Variants in GEN1 observed in about 807,000 individuals in gnomAD.
The protein encoded by GEN1 is flap endonuclease GEN homolog 1.
In GEN1, 64 loss-of-function variants were observed where a neutral mutation model predicts 67.6. That is an observed-to-expected ratio of 0.95 (90% confidence interval 0.77 to 1.17). GEN1 has a LOEUF of 1.17. Among genes scored for constraint, GEN1 ranks in the 50% most tolerant of loss-of-function variants. The probability of loss-of-function intolerance (pLI) is 0.00; values close to 1 mark genes in which losing one functional copy is unlikely to be tolerated. For missense variants in GEN1, 1,058 were observed against 1,048.3 expected (o/e 1.01, Z -0.13); for synonymous variants, 371 against 359.4 (o/e 1.03, Z -0.37).
chr2:17,757,546 A>C (rs191490725), intron 1 of GEN1, among the ~76,000 whole-genome samples: 7 of 152,200 alleles, frequency 4.6e-5, no homozygotes, highest in Non-Finnish European at 1.0e-4. Flanking sequence ...GAAAGGAATC[A>C]TTAGAAACAG....
rs1417665930 is a variant in GEN1 at position 17,772,688 on chromosome 2, A to T, written c.857A>T (p.Tyr286Phe). ...NGCRLCKSDK[Y>F]CEPHDYEYCC... ...TGCAGATTATGTAAAAGTGATAAAT[A>T]TTGTGAGCCACATGACTATGAATAC... The change falls in exon 8 of 14, where the codon TAT becomes TTT. Residue 286 changes from tyrosine to phenylalanine, a missense_variant. Coordinates refer to ENST00000381254, the MANE Select transcript of GEN1 (RefSeq NM_001130009.3). The T allele has an allele frequency of 5.0e-6, 8 of 1,612,442 alleles. No individual in the cohort carries two copies. In the African/African-American group the frequency reaches 6.7e-5, roughly 13 times the overall value.
Position 17,784,460 on chromosome 2 carries a change from G to A in GEN1, c.*2521G>A, listed in dbSNP as rs566535718. 4 of 152,112 alleles carry A rather than the reference G, an allele frequency of 2.6e-5. No individual in the cohort carries two copies. The highest frequency in any genetic ancestry group is 9.7e-5 in the African/African-American group (4 of 41,428). 9.4% of individuals were successfully genotyped at this position (152,112 alleles called of 1,614,324 possible). ...TATGATCCAGCAATTCCTCTCCCAG[G>A]TATATACCCAAGATAAATGAAAACT... On this transcript the variant is annotated 3_prime_UTR_variant, in exon 14 of 14. Transcript: ENST00000381254.
intron 1 of GEN1, chr2:17,755,240 T>TA (rs1378566196): frequency 6.6e-6 from 1 of 152,240 alleles, no homozygotes; most frequent in African/African-American, 2.4e-5. Context: ...GGTCCCTACT[T>TA]ACATGTCACT....
At chr2:17,772,141 T>C (rs1672218396) in intron 7 of GEN1, among the ~76,000 whole-genome samples, 1 of 152,110 alleles carries the variant, frequency 6.6e-6, no homozygotes, top group South Asian at 2.1e-4. Context: ...CATTTGTTCA[T>C]GTTCCAAGGA....
intron 3 of GEN1, among the ~76,000 whole-genome samples, chr2:17,762,753 T>C (rs193002532): frequency 4.5e-4 from 68 of 152,332 alleles, no homozygotes; most frequent in Admixed American, 2.5e-3. Flanking sequence ...ACATTTTTTG[T>C]GTATATAATG....
upstream of GEN1, among the ~76,000 whole-genome samples, chr2:17,753,439 G>A (rs1212049854): frequency 1.4e-5 from 2 of 141,386 alleles, no homozygotes; most frequent in African/African-American, 5.4e-5. Context: ...CGAAGGTGCC[G>A]CCGGCCGCCC....
At chr2:17,757,659 T>C (rs565042324) in intron 1 of GEN1, among the ~76,000 whole-genome samples, 4 of 152,244 alleles carry the variant, frequency 2.6e-5, no homozygotes, top group South Asian at 4.1e-4. Flanking sequence ...AACCAGAAAA[T>C]GTGAATTTCT....
intron 1 of GEN1, among the ~76,000 whole-genome samples, chr2:17,758,841 G>A (rs538053166): frequency 2.4e-4 from 36 of 149,362 alleles, no homozygotes; most frequent in African/African-American, 8.7e-4. Flanking sequence ...GTGACAGAGC[G>A]AGACCCTGTC....
At chr2:17,761,803 T>A (rs1462907923) in intron 3 of GEN1, among the ~76,000 whole-genome samples, 2 of 152,184 alleles carry the variant, frequency 1.3e-5, no homozygotes, top group African/African-American at 4.8e-5. Flanking sequence ...AACCTATCTC[T>A]ACCTTGTATG....
intron 7 of GEN1, 57 bp from the exon 8 acceptor site, chr2:17,772,577 G>A: frequency 1.3e-6 from 2 of 1,492,180 alleles, no homozygotes; most frequent in Non-Finnish European, 1.8e-6. Context: ...AAGAATGTAT[G>A]TAGAAAGTAA....
chr2:17,781,812 TC>T lies in GEN1; in HGVS notation c.2603del (p.Pro868GlnfsTer8), dbSNP rs1672853719. ...YETAENEESC[F>X]PDSTKSSLSS... Reference sequence around the variant, plus strand: ...ACAGCTGAAAATGAAGAAAGCTGTTTCCCAGATTCAACAAAAAGTTCTCTGA... The same window carrying T: ...ACAGCTGAAAATGAAGAAAGCTGTTTCCAGATTCAACAAAAAGTTCTCTGA... On this transcript the variant is annotated frameshift_variant, in exon 14 of 14. Coordinates refer to ENST00000381254, the MANE Select transcript of GEN1 (RefSeq NM_001130009.3). LOFTEE classifies it low-confidence loss of function (END_TRUNC). The T allele has an allele frequency of 1.2e-6, 2 of 1,612,174 alleles. No homozygotes were observed. The highest frequency in any genetic ancestry group is 3.3e-5 in the Admixed American group (2 of 59,708).
chr2:17,776,115 CAAAAAA>C (rs34705905), intron 11 of GEN1, among the ~76,000 whole-genome samples: 5 of 80,692 alleles, frequency 6.2e-5, no homozygotes, highest in African/African-American at 1.4e-4. Flanking sequence ...GACCCTGTCT[CAAAAAA>C]AAAAAAAAAA....
At chr2:17,774,695 A>G (rs1672346625) in intron 11 of GEN1, among the ~76,000 whole-genome samples, 1 of 152,170 alleles carries the variant, frequency 6.6e-6, no homozygotes, top group African/African-American at 2.4e-5. Context: ...CAAACGTGTT[A>G]AGGGAATGTG....
intron 2 of GEN1, among the ~76,000 whole-genome samples, chr2:17,761,178 C>T (rs1671659730): frequency 1.3e-5 from 2 of 151,848 alleles, no homozygotes; most frequent in South Asian, 2.1e-4. Context: ...TGCACTGAGA[C>T]AAGATCATGC....
At position 17,781,591 on chromosome 2, in the gene GEN1, G is replaced by T; in HGVS notation, c.2379G>T (p.Lys793Asn). The part of the protein sequence containing the change: ...MQTTRKILMK[K>N]SVCLDRHSSD... ...CCACTCGGAAAATTTTAATGAAGAA[G>T]AGTGTTTGCCTTGACAGACATTCCT... Residue 793 changes from lysine to asparagine, a missense_variant, in exon 14 of 14, where the codon AAG becomes AAT. Physicochemically the swap from Lys to Asn is moderately conservative, Grantham distance 94. Transcript: ENST00000381254. 6.2e-7 allele frequency: 1 copy of T among 1,613,974 alleles called. No individual in the cohort carries two copies. The highest frequency in any genetic ancestry group is 1.3e-5 in the African/African-American group (1 of 75,054).
chr2:17,769,023 T>G (rs1672060874), intron 6 of GEN1, among the ~76,000 whole-genome samples: 1 of 152,068 alleles, frequency 6.6e-6, no homozygotes, highest in Non-Finnish European at 1.5e-5. Context: ...TATTGCATTT[T>G]TTTTTCTTTT....
At chr2:17,764,672 C>T (rs1191074637) in intron 3 of GEN1, among the ~76,000 whole-genome samples, 1 of 152,066 alleles carries the variant, frequency 6.6e-6, no homozygotes, top group African/African-American at 2.4e-5. Flanking sequence ...GAAACATAAC[C>T]ACAATATAAT....
intron 1 of GEN1, among the ~76,000 whole-genome samples, chr2:17,758,125 C>A (rs1433777069): frequency 6.6e-6 from 1 of 152,168 alleles, no homozygotes; most frequent in Non-Finnish European, 1.5e-5. Flanking sequence ...GGAGACCTAG[C>A]TCTTCTCAGT....
At chr2:17,760,994 G>T (rs1410714621) in intron 2 of GEN1, among the ~76,000 whole-genome samples, 1 of 151,462 alleles carries the variant, frequency 6.6e-6, no homozygotes, top group Non-Finnish European at 1.5e-5. Flanking sequence ...ACTTTGCGAG[G>T]CTGAGATGGG....
Sources: allele counts gnomAD v4.1 joint callset (sites outside exome capture counted in the v4.1 genomes callset), GRCh38; gene constraint gnomAD v4.1.1; transcripts MANE v1.5; gene names NCBI Gene and HGNC (gene_info 2026-07-23, HGNC 2026-07-21).